The following NBDY variants were observed in gnomAD, a reference collection of about 807,000 sequenced individuals.
The protein encoded by NBDY is P-body dissociating protein.
chrX:56,780,713 C>T (rs2069680538), intron 2 of NBDY, among the ~76,000 whole-genome samples: 1 of 72,155 alleles, frequency 1.4e-5, no homozygotes, highest in African/African-American at 5.1e-5. Flanking sequence ...TCACGGCATT[C>T]CGGGCAGAAG....
chrX:56,808,078 G>T (rs990155139), intron 2 of NBDY, among the ~76,000 whole-genome samples: 4 of 112,174 alleles, frequency 3.6e-5, no homozygotes, highest in Non-Finnish European at 5.6e-5. Flanking sequence ...TAAGTGTGTG[G>T]TTTTTTGTCA....
intron 2 of NBDY, among the ~76,000 whole-genome samples, chrX:56,795,551 G>A (rs1411534429): frequency 8.9e-6 from 1 of 112,098 alleles, no homozygotes; most frequent in Admixed American, 9.4e-5. Flanking sequence ...TTCTTGATGT[G>A]TAGGCTGCAC....
intron 2 of NBDY, among the ~76,000 whole-genome samples, chrX:56,750,571 C>T (rs2069579767): frequency 9.0e-6 from 1 of 111,266 alleles, no homozygotes; most frequent in Non-Finnish European, 1.9e-5. Flanking sequence ...TGTGTGATTG[C>T]CTTATCACCT....
chrX:56,782,864 G>A (rs1350540101), intron 2 of NBDY, among the ~76,000 whole-genome samples: 1 of 111,289 alleles, frequency 9.0e-6, no homozygotes, highest in Admixed American at 9.5e-5. Flanking sequence ...ACACTCACAA[G>A]GGACCCCCCA....
chrX:56,764,978 G>C (rs1467596272), intron 2 of NBDY, among the ~76,000 whole-genome samples: 2 of 112,569 alleles, frequency 1.8e-5, no homozygotes, highest in African/African-American at 6.5e-5. Flanking sequence ...GTCCATCTGA[G>C]GCACTTTGCA....
At chrX:56,756,536 A>C (rs1312142251) in intron 2 of NBDY, among the ~76,000 whole-genome samples, 4 of 111,573 alleles carry the variant, frequency 3.6e-5, no homozygotes, top group African/African-American at 1.3e-4. Flanking sequence ...TTATAAAAAA[A>C]GAGTTAGTGT....
intron 2 of NBDY, among the ~76,000 whole-genome samples, chrX:56,781,281 A>T (rs1253804014): frequency 9.0e-6 from 1 of 111,486 alleles, no homozygotes; most frequent in Admixed American, 9.5e-5. Flanking sequence ...AACCCTCAGG[A>T]GGTAGTTGTT....
At chrX:56,757,217 A>C (rs1371941513) in intron 2 of NBDY, among the ~76,000 whole-genome samples, 1 of 111,998 alleles carries the variant, frequency 8.9e-6, no homozygotes, top group Admixed American at 9.5e-5. Context: ...ATACATTAAT[A>C]TATTTCCTTA....
chrX:56,806,270 C>T (rs961524754), intron 2 of NBDY, among the ~76,000 whole-genome samples: 3 of 111,921 alleles, frequency 2.7e-5, no homozygotes, highest in Non-Finnish European at 5.6e-5. Flanking sequence ...AACAGTCCCG[C>T]AGTAAACATA....
rs1191132149 is a variant in NBDY, at chrX:56,818,332, C to T, written c.*1179C>T. ...AAACCTGAGTATTTTACCCAATCCT[C>T]TGAAATTAGTCCCTAGCATCAGAAT... On this transcript the variant is annotated 3_prime_UTR_variant, in exon 3 of 3. Transcript: ENST00000374922. The T allele has an allele frequency of 7.1e-5, 8 of 111,907 alleles. No individual in the cohort carries two copies. The highest frequency in any genetic ancestry group is 1.9e-4 in the African/African-American group (6 of 30,859). 9.2% of individuals were successfully genotyped at this position (111,907 alleles called of 1,213,427 possible). A position where few individuals can be genotyped will look rare whatever the true frequency, so the allele number is the denominator to read the frequency against.
chrX:56,740,978 C>T (rs1009779330), intron 2 of NBDY, among the ~76,000 whole-genome samples: 1 of 110,734 alleles, frequency 9.0e-6, no homozygotes, highest in African/African-American at 3.3e-5. Context: ...TCCCCACTCT[C>T]CCCCACCACC....
chrX:56,783,698 T>C (rs1317848254), intron 2 of NBDY, among the ~76,000 whole-genome samples: 1 of 112,843 alleles, frequency 8.9e-6, no homozygotes, highest in Non-Finnish European at 1.9e-5. Context: ...CAAGTGTCCC[T>C]GCAGCCTGTT....
At chrX:56,764,872 G>T (rs760667934) in intron 2 of NBDY, among the ~76,000 whole-genome samples, 1 of 111,501 alleles carries the variant, frequency 9.0e-6, no homozygotes. Context: ...CTGTGCCCAC[G>T]CGGTGCAGAC....
At chrX:56,788,011 G>A (rs773510646) in intron 2 of NBDY, among the ~76,000 whole-genome samples, 1 of 112,548 alleles carries the variant, frequency 8.9e-6, no homozygotes, top group East Asian at 2.8e-4. Context: ...TCCTCCTGTG[G>A]TTTCCCAGAG....
intron 2 of NBDY, among the ~76,000 whole-genome samples, chrX:56,814,025 A>T (rs1399895836): frequency 9.1e-6 from 1 of 110,385 alleles, no homozygotes; most frequent in Non-Finnish European, 1.9e-5. Context: ...CATAATTGGT[A>T]TCAGTTTCAG....
At chrX:56,806,667 T>C (rs2069852443) in intron 2 of NBDY, among the ~76,000 whole-genome samples, 1 of 112,093 alleles carries the variant, frequency 8.9e-6, no homozygotes. Context: ...ATGGGGTTGT[T>C]TTTTTCTTGT....
At chrX:56,781,266 T>G (rs757793637) in intron 2 of NBDY, among the ~76,000 whole-genome samples, 3 of 112,066 alleles carry the variant, frequency 2.7e-5, no homozygotes, top group Non-Finnish European at 3.8e-5. Context: ...TCCCGTCATC[T>G]AAGCAACCCT....
chrX:56,782,442 C>T (rs1047699014), intron 2 of NBDY, among the ~76,000 whole-genome samples: 3 of 111,426 alleles, frequency 2.7e-5, no homozygotes, highest in Non-Finnish European at 5.6e-5. Context: ...ACTGCTTCTT[C>T]TTTTGCTCCT....
At chrX:56,736,318 G>T (rs970248030) in intron 2 of NBDY, among the ~76,000 whole-genome samples, 1 of 111,885 alleles carries the variant, frequency 8.9e-6, no homozygotes, top group Admixed American at 9.4e-5. Flanking sequence ...AGGCTGAAGT[G>T]CAGTGGCGCA....
Sources: gnomAD v4.1 joint callset for allele counts (sites outside exome capture counted in the v4.1 genomes callset) on GRCh38, gnomAD v4.1.1 for gene constraint, MANE v1.5 for transcripts, NCBI Gene and HGNC (gene_info 2026-07-23, HGNC 2026-07-21) for gene names.